GALNT13: variants seen among roughly 807,000 people sequenced by gnomAD.
GALNT13 encodes polypeptide N-acetylgalactosaminyltransferase 13.
A neutral mutation model predicts 64.2 loss-of-function variants in GALNT13; 28 were observed. The observed-to-expected ratio is 0.44, with a 90% CI of 0.32 to 0.60. The LOEUF (loss-of-function observed/expected upper bound fraction) is 0.60. GALNT13 is among the 20% of genes least tolerant of loss of function. GALNT13 has a pLI of 0.05. For synonymous variants in GALNT13, 214 were observed against 224.6 expected (o/e 0.95, Z 0.42); for missense variants, 577 against 669.8 (o/e 0.86, Z 1.53).
At chr2:154,052,788 G>C (rs556251546) in intron 3 of GALNT13, among the ~76,000 whole-genome samples, 1 of 149,178 alleles carries the variant, frequency 6.7e-6, no homozygotes, top group Non-Finnish European at 1.5e-5. Context: ...CCAGGCTGGA[G>C]TGCAGTGGCA....
chr2:154,328,399 G>A (rs1694989740), intron 9 of GALNT13, among the ~76,000 whole-genome samples: 3 of 152,042 alleles, frequency 2.0e-5, no homozygotes, highest in Non-Finnish European at 2.9e-5. Flanking sequence ...ATGTTCTATG[G>A]TGTTACGGTA....
the GALNT13 span, among the ~76,000 whole-genome samples, chr2:153,691,114 G>T: frequency 6.6e-6 from 1 of 152,056 alleles, no homozygotes; most frequent in Admixed American, 6.6e-5. Context: ...TTGTAGTATT[G>T]CTTGTGGAGT....
chr2:154,299,680 G>A (rs536045861), intron 8 of GALNT13, among the ~76,000 whole-genome samples: 1 of 151,024 alleles, frequency 6.6e-6, no homozygotes, highest in African/African-American at 2.4e-5. Context: ...AGCCAGGATG[G>A]TCTCGATCTC....
the GALNT13 span, among the ~76,000 whole-genome samples, chr2:153,711,575 C>T: frequency 6.6e-6 from 1 of 152,212 alleles, no homozygotes; most frequent in Middle Eastern, 3.4e-3. Flanking sequence ...CCAGGTTTGA[C>T]ATGAAAGCTG....
intron 8 of GALNT13, among the ~76,000 whole-genome samples, chr2:154,287,599 GTTA>G (rs893667417): frequency 2.6e-5 from 4 of 151,386 alleles, no homozygotes; most frequent in South Asian, 2.1e-4. Context: ...CTTTTGAATT[GTTA>G]TTATTATATT....
the GALNT13 span, among the ~76,000 whole-genome samples, chr2:153,602,211 A>C: frequency 6.6e-6 from 1 of 151,860 alleles, no homozygotes; most frequent in Non-Finnish European, 1.5e-5. Flanking sequence ...ACATGTTTTT[A>C]ATTTATTTAA....
chr2:154,243,842 A>C (rs529485686), intron 6 of GALNT13, among the ~76,000 whole-genome samples: 1 of 152,316 alleles, frequency 6.6e-6, no homozygotes, highest in Admixed American at 6.5e-5. Flanking sequence ...GATAGGAGCT[A>C]CTTAGTCTGA....
the GALNT13 span, among the ~76,000 whole-genome samples, chr2:153,826,619 T>C: frequency 6.6e-6 from 1 of 152,172 alleles, no homozygotes; most frequent in Non-Finnish European, 1.5e-5. Flanking sequence ...GACAGAAAAC[T>C]GTAAAGAGTT....
At chr2:153,359,784 A>G in the GALNT13 span, among the ~76,000 whole-genome samples, 1 of 152,186 alleles carries the variant, frequency 6.6e-6, no homozygotes, top group African/African-American at 2.4e-5. Context: ...ATTACAATTC[A>G]TATATTAAAG....
At chr2:153,808,471 T>C in the GALNT13 span, among the ~76,000 whole-genome samples, 6 of 152,154 alleles carry the variant, frequency 3.9e-5, no homozygotes, top group Non-Finnish European at 8.8e-5. Flanking sequence ...TTCTCCTTTT[T>C]GCTGTCATCT....
the GALNT13 span, among the ~76,000 whole-genome samples, chr2:153,395,209 C>CA: frequency 6.6e-6 from 1 of 152,070 alleles, no homozygotes; most frequent in Non-Finnish European, 1.5e-5. Context: ...ATAAATTGGT[C>CA]AAGAGAGCAA....
chr2:154,314,573 A>C (rs945885307), intron 9 of GALNT13, among the ~76,000 whole-genome samples: 15 of 152,146 alleles, frequency 9.9e-5, no homozygotes, highest in Non-Finnish European at 1.5e-5. Context: ...GGCTTCTGAT[A>C]AGGGGCTCAG....
intron 3 of GALNT13, among the ~76,000 whole-genome samples, chr2:154,058,164 A>G (rs887090251): frequency 6.6e-6 from 1 of 152,134 alleles, no homozygotes; most frequent in African/African-American, 2.4e-5. Context: ...AAGAAGAGAC[A>G]CCAGAGAGCT....
intron 3 of GALNT13, among the ~76,000 whole-genome samples, chr2:154,124,667 A>G (rs1226686761): frequency 6.6e-6 from 1 of 151,726 alleles, no homozygotes; most frequent in Non-Finnish European, 1.5e-5. Flanking sequence ...ATTAATTTTA[A>G]TAGATATGGA....
chr2:154,328,737 T>G (rs1352691141), intron 9 of GALNT13, among the ~76,000 whole-genome samples: 3 of 152,142 alleles, frequency 2.0e-5, no homozygotes, highest in Non-Finnish European at 2.9e-5. Flanking sequence ...TCTAAAGTTG[T>G]GCCAACATTA....
the GALNT13 span, among the ~76,000 whole-genome samples, chr2:153,234,982 C>T: frequency 6.6e-6 from 1 of 152,108 alleles, no homozygotes; most frequent in Non-Finnish European, 1.5e-5. Context: ...ATATTTCAAA[C>T]TTTTTGTTAG....
rs548916035 is a variant in GALNT13, at chr2:154,356,712, T to C, written c.1157-39279T>C. Among the ~76,000 whole-genome samples, 7 of 152,178 alleles carry C rather than the reference T, an allele frequency of 4.6e-5. No homozygotes were observed. The East Asian group carries it at 1.3e-3, about 29-fold the overall frequency. On this transcript the variant is annotated intron_variant, in intron 9 of 12. Coordinates refer to ENST00000392825, the MANE Select transcript of GALNT13 (RefSeq NM_052917.4). The stretch of plus-strand genomic sequence containing the variant: ...ACTTACCTTTTTATTACCTTTGCCA[T>C]ATTCTAATCCATATTTATTTGTTTC...
the GALNT13 span, among the ~76,000 whole-genome samples, chr2:153,473,417 T>G: frequency 6.6e-6 from 1 of 152,110 alleles, no homozygotes; most frequent in Non-Finnish European, 1.5e-5. Context: ...TTTTAAACAT[T>G]TAAAACAACA....
intron 4 of GALNT13, among the ~76,000 whole-genome samples, chr2:154,195,944 A>G (rs1464002587): frequency 1.3e-5 from 2 of 152,190 alleles, no homozygotes; most frequent in African/African-American, 4.8e-5. Flanking sequence ...GATTAGGATA[A>G]TATTGACCCA....
Sources: allele counts gnomAD v4.1 joint callset (sites outside exome capture counted in the v4.1 genomes callset), GRCh38; gene constraint gnomAD v4.1.1; transcripts MANE v1.5; gene names NCBI Gene and HGNC (gene_info 2026-07-23, HGNC 2026-07-21).